ROBO1: variants seen among roughly 807,000 people sequenced by gnomAD.
The protein encoded by ROBO1 is roundabout homolog 1.
Under a neutral mutation model 195.9 loss-of-function variants are expected in ROBO1, and 149 were observed. That is an observed-to-expected ratio of 0.76 (90% confidence interval 0.67 to 0.87). ROBO1 has a LOEUF of 0.87. ROBO1 is among the 40% of genes least tolerant of loss of function. The pLI is 0.00. For synonymous variants in ROBO1, 816 were observed against 733.2 expected, an observed-to-expected ratio of 1.11 and a Z score of -1.82; for missense variants, 1,933 against 2,068.3, an observed-to-expected ratio of 0.93 and a Z score of 1.27.
chr3:79,599,967 A>G (rs1427672393), intron 1 of ROBO1, among the ~76,000 whole-genome samples: 3 of 151,976 alleles, frequency 2.0e-5, no homozygotes, highest in Admixed American at 6.6e-5. Context: ...TTCAAAATGA[A>G]TGTCCAAATT....
chr3:79,372,188 C>A (rs534892251), intron 2 of ROBO1, among the ~76,000 whole-genome samples: 2 of 148,830 alleles, frequency 1.3e-5, no homozygotes, highest in South Asian at 4.3e-4. Flanking sequence ...TGTTGGGGAC[C>A]CCTGTTCTAG....
intron 2 of ROBO1, among the ~76,000 whole-genome samples, chr3:79,159,728 C>G (rs559801317): frequency 6.6e-6 from 1 of 151,982 alleles, no homozygotes; most frequent in Non-Finnish European, 1.5e-5. Flanking sequence ...GTACCACATC[C>G]ATTTATCCTA....
At chr3:79,663,586 G>C (rs558087431) in intron 1 of ROBO1, among the ~76,000 whole-genome samples, 16 of 152,094 alleles carry the variant, frequency 1.1e-4, no homozygotes, top group Middle Eastern at 3.4e-3. Flanking sequence ...GGGCTCAAGG[G>C]ATTCTCCTGC....
intron 4 of ROBO1, among the ~76,000 whole-genome samples, chr3:78,773,219 A>G (rs893101371): frequency 2.0e-5 from 3 of 152,112 alleles, no homozygotes; most frequent in Non-Finnish European, 2.9e-5. Flanking sequence ...GAGAAAACAA[A>G]GAGATATACA....
intron 4 of ROBO1, among the ~76,000 whole-genome samples, chr3:78,925,074 T>C (rs1560006634): frequency 6.6e-6 from 1 of 152,094 alleles, no homozygotes; most frequent in South Asian, 2.1e-4. Flanking sequence ...ACATGTTAGG[T>C]TATTAAAGTA....
chr3:78,827,959 G>A (rs162869), intron 4 of ROBO1, among the ~76,000 whole-genome samples: 51,512 of 152,032 alleles, frequency 0.34, 8,963 homozygotes, highest in East Asian at 0.54. Flanking sequence ...TGGCATAGCC[G>A]AGTAGACACA....
intron 4 of ROBO1, among the ~76,000 whole-genome samples, chr3:78,933,128 T>C (rs1315787507): frequency 6.6e-6 from 1 of 152,096 alleles, no homozygotes; most frequent in African/African-American, 2.4e-5. Context: ...CCTGAGGTTA[T>C]TTATTGCTAG....
intron 2 of ROBO1, among the ~76,000 whole-genome samples, chr3:79,223,847 C>T (rs918266721): frequency 1.3e-5 from 2 of 152,080 alleles, no homozygotes; most frequent in African/African-American, 4.8e-5. Flanking sequence ...GACTCTAAAA[C>T]AATAGAAAAT....
At chr3:78,972,760 C>T (rs949445477) in intron 3 of ROBO1, among the ~76,000 whole-genome samples, 4 of 152,136 alleles carry the variant, frequency 2.6e-5, no homozygotes, top group African/African-American at 9.7e-5. Context: ...TTTCAGATAT[C>T]AGGTTCCATT....
intron 1 of ROBO1, among the ~76,000 whole-genome samples, chr3:79,744,364 A>G (rs1022642842): frequency 6.6e-5 from 10 of 152,186 alleles, no homozygotes; most frequent in Non-Finnish European, 1.5e-4. Flanking sequence ...TAGTTAAGAA[A>G]TAAACCCTAT....
intron 4 of ROBO1, among the ~76,000 whole-genome samples, chr3:78,843,051 T>C (rs2033379735): frequency 6.6e-6 from 1 of 152,136 alleles, no homozygotes; most frequent in Non-Finnish European, 1.5e-5. Flanking sequence ...TATGCACTGA[T>C]ATCAGAATGT....
intron 3 of ROBO1, among the ~76,000 whole-genome samples, chr3:79,063,288 T>G (rs1024361164): frequency 6.6e-6 from 1 of 151,986 alleles, no homozygotes; most frequent in African/African-American, 2.4e-5. Context: ...TTGCTGGTTA[T>G]GAAGATAGCT....
chr3:79,466,481 G>A (rs1273634393), intron 2 of ROBO1, among the ~76,000 whole-genome samples: 2 of 152,158 alleles, frequency 1.3e-5, no homozygotes, highest in Non-Finnish European at 2.9e-5. Context: ...AAATGAGCTA[G>A]CTTTTTATTT....
intron 4 of ROBO1, among the ~76,000 whole-genome samples, chr3:78,856,281 T>C (rs1337439805): frequency 1.3e-4 from 10 of 79,296 alleles, no homozygotes; most frequent in African/African-American, 5.3e-4. Context: ...ACAAATAACC[T>C]AGCAAAAAAA....
chr3:78,888,324 C>A (rs1320701008), intron 4 of ROBO1, among the ~76,000 whole-genome samples: 3 of 152,122 alleles, frequency 2.0e-5, no homozygotes, highest in Non-Finnish European at 2.9e-5. Flanking sequence ...CATTGATTTA[C>A]AAAGTTGGAA....
chr3:78,818,941 T>C (rs546917869), intron 4 of ROBO1, among the ~76,000 whole-genome samples: 22 of 152,350 alleles, frequency 1.4e-4, no homozygotes, highest in African/African-American at 5.3e-4. Flanking sequence ...TTATTAGTTA[T>C]TGTTAATCTC....
intron 2 of ROBO1, among the ~76,000 whole-genome samples, chr3:79,359,293 T>C (rs1214132418): frequency 6.6e-6 from 1 of 151,958 alleles, no homozygotes; most frequent in African/African-American, 2.4e-5. Flanking sequence ...CTCTTATAAT[T>C]TATAAAGTGA....
intron 4 of ROBO1, among the ~76,000 whole-genome samples, chr3:78,782,817 T>G (rs2083717954): frequency 6.6e-6 from 1 of 152,224 alleles, no homozygotes; most frequent in Non-Finnish European, 1.5e-5. Flanking sequence ...TTGTCTTCAT[T>G]AAATATTGAG....
chr3:78,747,602 C>T (rs1175593348), intron 4 of ROBO1, among the ~76,000 whole-genome samples: 1 of 151,982 alleles, frequency 6.6e-6, no homozygotes, highest in Non-Finnish European at 1.5e-5. Context: ...TGTATACTAT[C>T]TCATTAAATC....
Sources: gnomAD v4.1 joint callset for allele counts (sites outside exome capture counted in the v4.1 genomes callset) on GRCh38, gnomAD v4.1.1 for gene constraint, MANE v1.5 for transcripts, NCBI Gene and HGNC (gene_info 2026-07-23, HGNC 2026-07-21) for gene names.